CHD2: variants seen among roughly 807,000 people sequenced by gnomAD.
CHD2 encodes the protein chromodomain helicase DNA binding protein 2.
CHD2 carries 28 observed loss-of-function variants against 243.9 expected under a neutral mutation model. The ratio of observed to expected loss-of-function variants is 0.11; its 90% CI spans 0.09 to 0.16. The LOEUF is 0.16. Ranked by LOEUF, CHD2 falls within the 10% of genes least tolerant of loss-of-function variation. The probability of loss-of-function intolerance (pLI) is 1.00; values close to 1 mark genes in which losing one functional copy is unlikely to be tolerated. For synonymous variants in CHD2, 775 were observed against 779.0 expected, an observed-to-expected ratio of 0.99 and a Z score of 0.09; for missense variants, 1,386 against 2,209.8, an observed-to-expected ratio of 0.63 and a Z score of 7.47.
chr15:92,905,406 A>G (rs757459700), intron 2 of CHD2, among the ~76,000 whole-genome samples: 7 of 152,190 alleles, frequency 4.6e-5, no homozygotes, highest in Non-Finnish European at 8.8e-5. Flanking sequence ...GAATTTAAGC[A>G]AGCAAGAAAT....
At chr15:92,957,348 A>G (rs1223230138) in intron 16 of CHD2, among the ~76,000 whole-genome samples, 1 of 152,320 alleles carries the variant, frequency 6.6e-6, no homozygotes, top group Admixed American at 6.5e-5. Context: ...TTGTCTTCAC[A>G]TGGCCAACCA....
chr15:92,991,324 A>G, intron 26 of CHD2, 152 bp from the exon 27 acceptor site: 1 of 504,238 alleles, frequency 2.0e-6, no homozygotes, highest in Non-Finnish European at 3.5e-6. Flanking sequence ...AAGACATTCA[A>G]CATTTATTCA....
chr15:93,006,724 GGGT>G (rs1168824205), intron 34 of CHD2, among the ~76,000 whole-genome samples: 3 of 152,212 alleles, frequency 2.0e-5, no homozygotes, highest in Non-Finnish European at 4.4e-5. Context: ...ATGAGAGGTT[GGGT>G]CCATAACCAT....
chr15:92,978,589 G>A (rs898055166), intron 21 of CHD2, among the ~76,000 whole-genome samples: 1 of 152,186 alleles, frequency 6.6e-6, no homozygotes, highest in Non-Finnish European at 1.5e-5. Context: ...TTCTCTGTTT[G>A]AAAAGTACAA....
In CHD2 at chr15:92,997,152, A is replaced by C. The variant is rs1221419726; in HGVS notation, c.3734+57A>C. 3.7e-6 allele frequency: 6 copies of C among 1,604,376 alleles called. No individual in the cohort carries two copies. Among genetic ancestry groups the C allele is most frequent in the Non-Finnish European group, 3.4e-6 (4 of 1,176,478 alleles). On this transcript the variant is annotated intron_variant, in intron 29 of 38. Transcript: ENST00000394196. The surrounding 1 kb of genome is among the most constrained non-coding windows in gnomAD (Gnocchi z 4.1). ...TCGTACCGTAAGAAAATAGATTTGA[A>C]GTTAGACTTTGTGTAGTTCCATAGT...
intron 33 of CHD2, among the ~76,000 whole-genome samples, chr15:93,003,851 C>T (rs1191841476): frequency 8.2e-6 from 1 of 122,466 alleles, no homozygotes; most frequent in Non-Finnish European, 1.8e-5. Flanking sequence ...TCAAGCTAGG[C>T]GCAGTGGCTC....
chr15:92,909,489 G>A (rs999080690), intron 2 of CHD2, among the ~76,000 whole-genome samples: 1 of 152,102 alleles, frequency 6.6e-6, no homozygotes, highest in East Asian at 1.9e-4. Context: ...TGTTGTTGTT[G>A]GGACAGAGTC....
chr15:92,952,866 TA>T (rs2053571481), intron 13 of CHD2, among the ~76,000 whole-genome samples: 2 of 152,188 alleles, frequency 1.3e-5, no homozygotes, highest in Admixed American at 6.5e-5. Flanking sequence ...AAAGTGTATT[TA>T]AAACAAGCCC....
chr15:92,998,652 G>T lies in CHD2; in HGVS notation c.4008+31G>T. The T allele has an allele frequency of 6.2e-7, 1 of 1,606,330 alleles. No individual in the cohort carries two copies. Among genetic ancestry groups the T allele is most frequent in the Non-Finnish European group, 8.5e-7 (1 of 1,175,438 alleles). Reference sequence around the variant, plus strand: ...TACGCTGCCAGCTGGTTGTTTTTCAGGGGCCTGAGGCTCCTACCCTGCAGA... The same window carrying T: ...TACGCTGCCAGCTGGTTGTTTTTCATGGGCCTGAGGCTCCTACCCTGCAGA... On this transcript the variant is annotated intron_variant, in intron 31 of 38. Coordinates refer to ENST00000394196, the MANE Select transcript of CHD2 (RefSeq NM_001271.4). This position sits in a 1 kb window ranked among gnomAD's most constrained non-coding sequence, Gnocchi z 5.1.
Position 92,939,701 on chromosome 15 carries a change from A to T in CHD2, c.675A>T (p.Arg225Ser). ...CTCCCAAAAGGCAGACTCGTCGAAG[A>T]GCGGCTAAAAACGTTAGGTAAGTTG... ...DEAPKRQTRR[R>S]AAKNVSYKED... Residue 225 changes from arginine (R) to serine (S), a missense_variant, in exon 7 of 39, where the codon AGA (arginine) becomes AGT (serine). By Grantham distance (110) the Arg-to-Ser change is moderately radical. Transcript: ENST00000394196. 2 of 1,613,852 alleles carry T rather than the reference A, an allele frequency of 1.2e-6. No individual in the cohort carries two copies. Among genetic ancestry groups the T allele is most frequent in the South Asian group, 2.2e-5 (2 of 91,068 alleles).
chr15:92,964,864 G>A (rs983586772), intron 16 of CHD2, among the ~76,000 whole-genome samples: 2 of 152,198 alleles, frequency 1.3e-5, no homozygotes, highest in African/African-American at 4.8e-5. Flanking sequence ...GTATTTCAGA[G>A]ATTACATCTT....
At chr15:92,956,710 A>C in intron 16 of CHD2, 61 bp downstream of exon 16, 3 of 1,497,956 alleles carry the variant, frequency 2.0e-6, no homozygotes, top group Non-Finnish European at 1.8e-6. Flanking sequence ...AATGCTTTTT[A>C]ACTTTCTTAG....
At position 92,900,765 on chromosome 15, in the gene CHD2, G is replaced by T. The variant is rs553671151; in HGVS notation, c.-131G>T. 5.1e-6 allele frequency: 2 copies of T among 395,718 alleles called. No homozygotes were observed. Among genetic ancestry groups the T allele is most frequent in the South Asian group, 1.4e-4 (1 of 7,142 alleles). The allele number at this position is 395,718 out of a possible 1,614,324, so 24.5% of individuals were successfully genotyped here. On this transcript the variant is annotated 5_prime_UTR_variant, in exon 1 of 39. Transcript: ENST00000394196. ...TTTGCCTTTATTTTTAATTATTTGG[G>T]ATCTGATATTTTTCTACTAGTAGAT...
At position 92,970,297 on chromosome 15, in the gene CHD2, G is replaced by T. The variant is rs968593527; in HGVS notation, c.2190-1468G>T. 1.3e-4 allele frequency among the ~76,000 whole-genome samples: 20 copies of T among 152,148 alleles called. No individual in the cohort carries two copies. The East Asian group carries it at 3.5e-3, about 26-fold the overall frequency. ...GCTCACCTCAACCTCCGCCTCCCAG[G>T]TTCAAGTGATTCTCCTGCCTCAGCC... On this transcript the variant is annotated intron_variant, in intron 17 of 38. Transcript: ENST00000394196.
intron 2 of CHD2, among the ~76,000 whole-genome samples, chr15:92,919,532 A>G (rs547967634): frequency 6.6e-6 from 1 of 152,098 alleles, no homozygotes; most frequent in Non-Finnish European, 1.5e-5. Context: ...AGCTGGGACT[A>G]CAGGCACACT....
chr15:92,934,525 A>ATTCTTTATT (rs2053230960), intron 5 of CHD2, among the ~76,000 whole-genome samples: 1 of 152,214 alleles, frequency 6.6e-6, no homozygotes. Context: ...TCTTTATTGT[A>ATTCTTTATT]GACTGACTTA....
chr15:93,015,121 C>T (rs1039356571), intron 37 of CHD2, among the ~76,000 whole-genome samples: 3 of 152,134 alleles, frequency 2.0e-5, no homozygotes, highest in Non-Finnish European at 4.4e-5. Flanking sequence ...CTCTGTCACC[C>T]AGGCTGGAGT....
chr15:93,019,131 C>CT (rs547695952), intron 37 of CHD2, among the ~76,000 whole-genome samples: 1 of 152,130 alleles, frequency 6.6e-6, no homozygotes, highest in African/African-American at 2.4e-5. Flanking sequence ...AGAGAAATTA[C>CT]TTTTTTATAG....
intron 24 of CHD2, among the ~76,000 whole-genome samples, chr15:92,983,227 C>T (rs577641697): frequency 7.2e-5 from 11 of 152,274 alleles, no homozygotes; most frequent in African/African-American, 2.6e-4. Context: ...TCAGTTCCAC[C>T]TCTGTGACTG....
Sources: gnomAD v4.1 joint callset for allele counts (sites outside exome capture counted in the v4.1 genomes callset) on GRCh38, gnomAD v4.1.1 for gene constraint, Gnocchi (gnomAD v3.1) non-coding constraint, MANE v1.5 for transcripts, NCBI Gene and HGNC (gene_info 2026-07-23, HGNC 2026-07-21) for gene names.